DMD: variants seen among roughly 807,000 people sequenced by gnomAD.
The protein encoded by DMD is mutant dystrophin.
Under a neutral mutation model 330.1 loss-of-function variants are expected in DMD, and 63 were observed. The ratio of observed to expected loss-of-function variants is 0.19; its 90% CI spans 0.16 to 0.24. The LOEUF is 0.24. Among genes scored for constraint, DMD ranks in the 10% least tolerant of loss-of-function variants. The pLI is 1.00. For missense variants in DMD, 3,344 were observed against 2,684.1 expected (o/e 1.25, Z -5.43); for synonymous variants, 1,223 against 959.8 (o/e 1.27, Z -5.07).
At chrX:32,715,204 C>A (rs1026097910) in intron 7 of DMD, among the ~76,000 whole-genome samples, 36 of 110,829 alleles carry the variant, frequency 3.2e-4, no homozygotes, top group Non-Finnish European at 6.2e-4. Flanking sequence ...TTGGGCCAGG[C>A]GTGGTGGCTC....
chrX:31,169,886 G>A (rs1271626932), intron 73 of DMD, among the ~76,000 whole-genome samples: 4 of 111,853 alleles, frequency 3.6e-5, no homozygotes, highest in South Asian at 3.7e-4. Flanking sequence ...GGGACTCTAC[G>A]TTGATGTTAG....
At chrX:33,308,224 T>C (rs920837400) in intron 1 of DMD, among the ~76,000 whole-genome samples, 2 of 111,846 alleles carry the variant, frequency 1.8e-5, no homozygotes, top group African/African-American at 6.5e-5. Context: ...AAAAACACAA[T>C]AGTTCCCTAG....
At chrX:33,183,755 A>C (rs1363221130) in intron 1 of DMD, among the ~76,000 whole-genome samples, 1 of 105,685 alleles carries the variant, frequency 9.5e-6, no homozygotes, top group African/African-American at 3.5e-5. Context: ...TTATCTCTAG[A>C]CCTTGAAGCC....
At chrX:32,257,609 G>A (rs1191988301) in intron 43 of DMD, among the ~76,000 whole-genome samples, 1 of 111,698 alleles carries the variant, frequency 9.0e-6, no homozygotes, top group Non-Finnish European at 1.9e-5. Context: ...AAACTGGCTA[G>A]TCATATGCAG....
intron 7 of DMD, among the ~76,000 whole-genome samples, chrX:32,759,644 G>T (rs915807885): frequency 1.8e-5 from 2 of 111,579 alleles, no homozygotes; most frequent in Non-Finnish European, 1.9e-5. Context: ...TTCACAAAGT[G>T]ATTCTTTAGC....
At chrX:31,951,353 C>T (rs924371583) in intron 45 of DMD, among the ~76,000 whole-genome samples, 1 of 106,069 alleles carries the variant, frequency 9.4e-6, no homozygotes, top group African/African-American at 3.4e-5. Context: ...GAAAGTTTCA[C>T]ATTTTAGAGC....
chrX:31,159,795 G>A (rs1667527654), intron 74 of DMD, among the ~76,000 whole-genome samples: 1 of 112,147 alleles, frequency 8.9e-6, no homozygotes, highest in African/African-American at 3.2e-5. Context: ...AGCCACACGA[G>A]GTTGATATAC....
At position 31,204,193 on chromosome X, in the gene DMD, C is replaced by A. The variant is rs890666897; in HGVS notation, c.9650-75G>T. On this transcript the variant is annotated intron_variant, in intron 66 of 78. Coordinates refer to ENST00000357033, the MANE Select transcript of DMD (RefSeq NM_004006.3). Reference sequence around the variant, plus strand: ...TGCCAGCAGAACCTGACATCCAACTCAATTCCAGTAGCAATTCTCAAGAGT... The same window carrying A: ...TGCCAGCAGAACCTGACATCCAACTAAATTCCAGTAGCAATTCTCAAGAGT... 4 of 927,555 alleles carry A rather than the reference C, an allele frequency of 4.3e-6. No homozygotes were observed. In the African/African-American group the frequency reaches 7.7e-5, roughly 18 times the overall value. The allele number at this position is 927,555 out of a possible 1,213,427, so 76.4% of individuals were successfully genotyped here. A position where few individuals can be genotyped will look rare whatever the true frequency, so the allele number is the denominator to read the frequency against.
chrX:31,820,110 T>G, intron 49 of DMD, 27 bp from the exon 50 acceptor site: 1 of 1,087,811 alleles, frequency 9.2e-7, no homozygotes, highest in Non-Finnish European at 1.3e-6. Context: ...TACACATTAC[T>G]TATTCGATTA....
chrX:31,128,050 T>G (rs1285336716), intron 77 of DMD, among the ~76,000 whole-genome samples: 1 of 111,600 alleles, frequency 9.0e-6, no homozygotes, highest in East Asian at 2.8e-4. Context: ...TAGTGGGAGA[T>G]CCATACCAAA....
chrX:33,019,580 C>A (rs1218713873), intron 2 of DMD, among the ~76,000 whole-genome samples: 1 of 111,400 alleles, frequency 9.0e-6, no homozygotes, highest in Non-Finnish European at 1.9e-5. Flanking sequence ...CTATAATCAT[C>A]TAGAGTCACG....
chrX:31,266,763 G>C, intron 62 of DMD: 1 of 1,138,739 alleles, frequency 8.8e-7, no homozygotes, highest in Admixed American at 2.2e-5. Flanking sequence ...CGCCACAAGT[G>C]CACGGATTGC....
intron 50 of DMD, among the ~76,000 whole-genome samples, chrX:31,787,770 T>A (rs1421345309): frequency 8.9e-6 from 1 of 112,190 alleles, no homozygotes; most frequent in Non-Finnish European, 1.9e-5. Flanking sequence ...ACACACTAAC[T>A]GAAATAGTGG....
intron 55 of DMD, among the ~76,000 whole-genome samples, chrX:31,566,583 C>T (rs2075476209): frequency 9.0e-6 from 1 of 111,581 alleles, no homozygotes; most frequent in South Asian, 3.7e-4. Flanking sequence ...TATTCTGTGG[C>T]CTGTGACTTT....
chrX:33,242,249 T>A (rs2052598427), intron 1 of DMD, among the ~76,000 whole-genome samples: 1 of 111,497 alleles, frequency 9.0e-6, no homozygotes, highest in Non-Finnish European at 1.9e-5. Flanking sequence ...TAGTCTTTTA[T>A]CCCTTGCCTC....
intron 42 of DMD, among the ~76,000 whole-genome samples, chrX:32,288,836 C>T (rs1207252548): frequency 3.6e-5 from 4 of 111,659 alleles, no homozygotes; most frequent in Admixed American, 9.6e-5. Flanking sequence ...TTATTAGTCT[C>T]GTCAGCTGTT....
chrX:33,039,408 AC>A (rs1283337716), intron 1 of DMD, among the ~76,000 whole-genome samples: 1 of 105,285 alleles, frequency 9.5e-6, no homozygotes, highest in Non-Finnish European at 1.9e-5. Flanking sequence ...CAGGTTCTAC[AC>A]TTTTGAATGC....
chrX:32,027,869 T>C (rs563429392), intron 44 of DMD, among the ~76,000 whole-genome samples: 38 of 112,734 alleles, frequency 3.4e-4, no homozygotes, highest in African/African-American at 1.1e-3. Context: ...ACCACAGATT[T>C]ACTGAGCACC....
chrX:31,226,423 T>G (rs2147113433), intron 63 of DMD, among the ~76,000 whole-genome samples: 1 of 112,368 alleles, frequency 8.9e-6, no homozygotes, highest in South Asian at 3.7e-4. Context: ...TTGTTTATGA[T>G]AAATACCAAT....
Sources: allele counts gnomAD v4.1 joint callset (sites outside exome capture counted in the v4.1 genomes callset), GRCh38; gene constraint gnomAD v4.1.1; transcripts MANE v1.5; gene names NCBI Gene and HGNC (gene_info 2026-07-23, HGNC 2026-07-21).